The following RAB27A variants were observed in gnomAD, a reference collection of about 807,000 sequenced individuals.
The protein encoded by RAB27A is ras-related protein Rab-27A.
Under a neutral mutation model 20.8 loss-of-function variants are expected in RAB27A, and 17 were observed. That is an observed-to-expected ratio of 0.82 (90% CI 0.56 to 1.23). The LOEUF (loss-of-function observed/expected upper bound fraction) is 1.23, where lower values mean the gene tolerates loss of function less well. Ranked by LOEUF, RAB27A falls within the 50% of genes most tolerant of loss-of-function variation. RAB27A has a pLI of 0.00. For missense variants in RAB27A, 277 were observed against 266.7 expected, an observed-to-expected ratio of 1.04 and a Z score of -0.27; for synonymous variants, 85 against 92.8, an observed-to-expected ratio of 0.92 and a Z score of 0.48.
intron 2 of RAB27A, among the ~76,000 whole-genome samples, chr15:55,313,401 T>C (rs2055029564): frequency 6.6e-6 from 1 of 151,912 alleles, no homozygotes; most frequent in South Asian, 2.1e-4. Flanking sequence ...ACCCTATCTC[T>C]TTAAAAACAA....
chr15:55,227,188 C>G (rs1432267223), intron 5 of RAB27A, among the ~76,000 whole-genome samples: 2 of 152,176 alleles, frequency 1.3e-5, no homozygotes, highest in Non-Finnish European at 2.9e-5. Context: ...TAATTTTGTT[C>G]TTTATCCAAC....
rs147130708 is a variant in RAB27A at position 55,228,697 on chromosome 15, C to T, written c.255G>A (p.Thr85=). 9 of 1,612,892 alleles carry T rather than the reference C, an allele frequency of 5.6e-6. No homozygotes were observed. The highest frequency in any genetic ancestry group is 2.7e-5 in the African/African-American group (2 of 74,900). Residue 85 remains threonine (T), a synonymous_variant, in exon 5 of 7, where the codon ACG becomes ACA. Transcript: ENST00000336787. The part of the protein sequence containing the change: ...TAGQERFRSL[T]TAFFRDAMGF... The stretch of plus-strand genomic sequence containing the variant: ...CCATAGCATCTCTGAAGAACGCTGT[C>T]GTTAAGCTACGAAACCTAGGAACAT...
rs1387167601 is a variant in RAB27A at position 55,246,091 on chromosome 15, G to GAT, written c.-22-11137_-22-11136dup. On this transcript the variant is annotated intron_variant, in intron 2 of 6. Coordinates refer to ENST00000336787, the MANE Select transcript of RAB27A (RefSeq NM_183235.3). ...TCGTCTAAGATATATATATGATATA[G>GAT]ATATATATATAATACATATAAATAT... is the stretch of plus-strand genomic sequence containing the variant. Among the ~76,000 whole-genome samples the GAT allele has an allele frequency of 6.6e-5, 10 of 150,538 alleles. No homozygotes were observed. The East Asian group carries it at 1.2e-3, about 18-fold the overall frequency.
rs562974439 is a variant in RAB27A at position 55,281,256 on chromosome 15, G to A, written c.-143+8460C>T. ...TGATTTCCAATTCACTGGGTCCTGA[G>A]TCTATACTTAGCCAGTATAAGTAGC... On this transcript the variant is annotated intron_variant, in intron 1 of 6. Transcript: ENST00000336787. 2.0e-5 allele frequency among the ~76,000 whole-genome samples: 3 copies of A among 152,286 alleles called. No individual in the cohort carries two copies. The South Asian group carries it at 6.2e-4, about 32-fold the overall frequency.
intron 2 of RAB27A, among the ~76,000 whole-genome samples, chr15:55,241,935 A>T (rs113828571): frequency 2.6e-5 from 4 of 152,268 alleles, no homozygotes; most frequent in African/African-American, 9.6e-5. Context: ...AGGAAATAAG[A>T]TAGAAGAGAG....
At chr15:55,256,598 C>T (rs189672056) in intron 2 of RAB27A, among the ~76,000 whole-genome samples, 38 of 152,314 alleles carry the variant, frequency 2.5e-4, no homozygotes, top group African/African-American at 9.1e-4. Flanking sequence ...GCTTGCTAAT[C>T]ATTTCAAAGG....
At chr15:55,206,417 T>G (rs1478161898) in intron 6 of RAB27A, 1 of 205,936 alleles carries the variant, frequency 4.9e-6, no homozygotes, top group Non-Finnish European at 8.5e-6. Flanking sequence ...TGGCACGATC[T>G]CAGTTCCCAG....
At chr15:55,316,585 TAAAAAAAAAAA>T (rs972366863) in intron 1 of RAB27A, among the ~76,000 whole-genome samples, 29 of 142,200 alleles carry the variant, frequency 2.0e-4, no homozygotes, top group Admixed American at 1.3e-3. Flanking sequence ...TCCCAGAACT[TAAAAAAAAAAA>T]GGAGAAAAAA....
intron 2 of RAB27A, among the ~76,000 whole-genome samples, chr15:55,246,748 C>T (rs1473163681): frequency 2.0e-5 from 3 of 151,798 alleles, no homozygotes; most frequent in African/African-American, 4.8e-5. Flanking sequence ...CACAGCCACT[C>T]GACACTCCAA....
At chr15:55,259,274 A>T in intron 2 of RAB27A, among the ~76,000 whole-genome samples, 1 of 150,966 alleles carries the variant, frequency 6.6e-6, no homozygotes, top group East Asian at 2.0e-4. Context: ...TTTTATAGTT[A>T]TTTATTTTAT....
At chr15:55,312,568 A>G (rs2055026121) in intron 2 of RAB27A, among the ~76,000 whole-genome samples, 1 of 151,996 alleles carries the variant, frequency 6.6e-6, no homozygotes, top group South Asian at 2.1e-4. Context: ...GTAATTTTCC[A>G]TCTTTTTGAC....
chr15:55,243,307 C>G (rs1896563884), intron 2 of RAB27A, among the ~76,000 whole-genome samples: 1 of 152,082 alleles, frequency 6.6e-6, no homozygotes, highest in African/African-American at 2.4e-5. Context: ...TTTTCATTTA[C>G]CTGTAGAATT....
chr15:55,294,589 G>GAAAAAAAAAAAAAA (rs1181179911), upstream of RAB27A, among the ~76,000 whole-genome samples: 91 of 29,168 alleles, frequency 3.1e-3, no homozygotes, highest in East Asian at 5.0e-3. Context: ...CCCTGTCTCC[G>GAAAAAAAAAAAAAA]AAAAAAAAAA....
intron 6 of RAB27A, among the ~76,000 whole-genome samples, chr15:55,217,238 C>A (rs1895347314): frequency 6.6e-6 from 1 of 152,092 alleles, no homozygotes; most frequent in Non-Finnish European, 1.5e-5. Context: ...ATTTTCATTT[C>A]TACAGGAATA....
chr15:55,210,821 A>G (rs145519350), intron 6 of RAB27A, among the ~76,000 whole-genome samples: 1 of 152,246 alleles, frequency 6.6e-6, no homozygotes, highest in African/African-American at 2.4e-5. Context: ...TTGTGGTCTT[A>G]CACAAAAAGT....
intron 1 of RAB27A, among the ~76,000 whole-genome samples, chr15:55,316,261 T>C (rs1487242736): frequency 1.3e-5 from 2 of 149,456 alleles, no homozygotes; most frequent in Non-Finnish European, 3.0e-5. Context: ...AAAGAATTTA[T>C]GTACTTTGTA....
chr15:55,209,842 A>G (rs564664162), intron 6 of RAB27A, among the ~76,000 whole-genome samples: 7 of 117,388 alleles, frequency 6.0e-5, no homozygotes, highest in East Asian at 4.9e-4. Flanking sequence ...ATATGTGTGT[A>G]CACATATATG....
chr15:55,308,670 G>T (rs2055008038), intron 2 of RAB27A, among the ~76,000 whole-genome samples: 1 of 152,240 alleles, frequency 6.6e-6, no homozygotes, highest in South Asian at 2.1e-4. Context: ...TTGTCCGGAA[G>T]AAATGGGACT....
In RAB27A at chr15:55,209,998, A is replaced by ATG. The variant is rs1239224042; in HGVS notation, c.468-4295_468-4294dup. On this transcript the variant is annotated intron_variant, in intron 6 of 6. Coordinates refer to ENST00000336787, the MANE Select transcript of RAB27A (RefSeq NM_183235.3). The stretch of plus-strand genomic sequence containing the variant: ...TGTACATGTACATATATACGCATAT[A>ATG]TGTGTGTACATGTACATATATACGC... Among the ~76,000 whole-genome samples the ATG allele has an allele frequency of 9.0e-4, 117 of 129,910 alleles. 6 individuals are homozygous for ATG. Among genetic ancestry groups the ATG allele is most frequent in the Non-Finnish European group, 1.5e-3 (91 of 61,366 alleles). The allele number at this position is 129,910 out of a possible 152,430, so 85.2% of individuals were successfully genotyped here.
Sources: allele counts gnomAD v4.1 joint callset (sites outside exome capture counted in the v4.1 genomes callset), GRCh38; gene constraint gnomAD v4.1.1; transcripts MANE v1.5; gene names NCBI Gene and HGNC (gene_info 2026-07-23, HGNC 2026-07-21).